Variants in PTPN9 observed in about 807,000 individuals in gnomAD.
The protein encoded by PTPN9 is protein tyrosine phosphatase non-receptor type 9, also known as tyrosine-protein phosphatase non-receptor type 9.
In PTPN9, 26 loss-of-function variants were observed where a neutral mutation model predicts 69.8. The ratio of observed to expected loss-of-function variants is 0.37; its 90% CI spans 0.27 to 0.52. PTPN9 has a LOEUF of 0.52. Among genes scored for constraint, PTPN9 ranks in the 20% least tolerant of loss-of-function variants. PTPN9 has a pLI of 0.91. For synonymous variants in PTPN9, 274 were observed against 272.5 expected, an observed-to-expected ratio of 1.01 and a Z score of -0.05; for missense variants, 549 against 740.3, an observed-to-expected ratio of 0.74 and a Z score of 3.00.
In PTPN9 at chr15:75,472,663, G is replaced by A. The variant is rs557616968; in HGVS notation, c.1208+1026C>T. Among the ~76,000 whole-genome samples the A allele has an allele frequency of 2.7e-5, 4 of 150,858 alleles. No homozygotes were observed. The East Asian group carries it at 5.9e-4, about 22-fold the overall frequency. ...AAAAATTAGCTGGGCATGGTGGCACGTTCCTATAATCTCAGCTACTCAGGA... is the reference window on the plus strand; with the variant it reads ...AAAAATTAGCTGGGCATGGTGGCACATTCCTATAATCTCAGCTACTCAGGA... On this transcript the variant is annotated intron_variant, in intron 10 of 12. Coordinates refer to ENST00000618819, the MANE Select transcript of PTPN9 (RefSeq NM_002833.4).
At chr15:75,473,973 A>G (rs1191462775) in intron 9 of PTPN9, among the ~76,000 whole-genome samples, 1 of 152,146 alleles carries the variant, frequency 6.6e-6, no homozygotes, top group Non-Finnish European at 1.5e-5. Context: ...ATGAATCTGC[A>G]TGTCAACGAG....
Position 75,469,975 on chromosome 15 carries a change from G to A in PTPN9, c.1384C>T (p.His462Tyr). ...TEERQKRQVT[H>Y]FQFLSWPDYG... ...TCTGGCCAGCTCAAGAACTGGAAGTGGGTCACCTGGCGTTTCTGCCGTTCC... is the reference window on the plus strand; with the variant it reads ...TCTGGCCAGCTCAAGAACTGGAAGTAGGTCACCTGGCGTTTCTGCCGTTCC... The change falls in exon 12 of 13, where the codon CAC (histidine) becomes TAC (tyrosine). Residue 462 changes from histidine to tyrosine, a missense_variant. By Grantham distance (83) the His-to-Tyr change is moderately conservative. Around this residue, in one of 3 missense-constraint regions of PTPN9, gnomAD observed 457 missense variants for 661.9 expected, o/e 0.69. Coordinates refer to ENST00000618819, the MANE Select transcript of PTPN9 (RefSeq NM_002833.4). 1 of 1,613,612 alleles carries A rather than the reference G, an allele frequency of 6.2e-7. No individual in the cohort carries two copies. The highest frequency in any genetic ancestry group is 8.5e-7 in the Non-Finnish European group (1 of 1,179,482).
At chr15:75,514,956 C>T (rs770015901) in intron 5 of PTPN9, among the ~76,000 whole-genome samples, 1 of 152,046 alleles carries the variant, frequency 6.6e-6, no homozygotes, top group Non-Finnish European at 1.5e-5. Flanking sequence ...CAAGGGGGTA[C>T]GACTGCTTTG....
In PTPN9 at chr15:75,524,425, CTAAA is replaced by C. The variant is rs1483412241; in HGVS notation, c.208-131_208-128del. 9.4e-6 allele frequency: 5 copies of C among 534,666 alleles called. No individual in the cohort carries two copies. In the African/African-American group the frequency reaches 9.6e-5, roughly 10 times the overall value. The allele number at this position is 534,666 out of a possible 1,614,324, so 33.1% of individuals were successfully genotyped here. On this transcript the variant is annotated intron_variant, in intron 2 of 12. Coordinates refer to ENST00000618819, the MANE Select transcript of PTPN9 (RefSeq NM_002833.4). ...AATGAATGAATTATAAATTTCATAA[CTAAA>C]TAAATTTTGTAACTAATTTCATAAC...
At chr15:75,552,358 G>C (rs926254919) in intron 1 of PTPN9, among the ~76,000 whole-genome samples, 3 of 152,122 alleles carry the variant, frequency 2.0e-5, no homozygotes, top group East Asian at 1.9e-4. Flanking sequence ...GGTGAGCCAA[G>C]ATCACACCAT....
chr15:75,565,174 C>T (rs997637529), intron 1 of PTPN9, among the ~76,000 whole-genome samples: 4 of 150,712 alleles, frequency 2.7e-5, no homozygotes, highest in Non-Finnish European at 4.4e-5. Context: ...AATAAAATCC[C>T]TCCACCTCTG....
rs1310891846 is a variant in PTPN9, at chr15:75,466,302, T to C, written c.*2467A>G. 1 of 152,210 alleles carries C rather than the reference T, an allele frequency of 6.6e-6. No homozygotes were observed. The highest frequency in any genetic ancestry group is 2.4e-5 in the African/African-American group (1 of 41,442). 9.4% of individuals were successfully genotyped at this position (152,210 alleles called of 1,614,324 possible). A position where few individuals can be genotyped will look rare whatever the true frequency, so the allele number is the denominator to read the frequency against. On this transcript the variant is annotated 3_prime_UTR_variant, in exon 13 of 13. Coordinates refer to ENST00000618819, the MANE Select transcript of PTPN9 (RefSeq NM_002833.4). ...TCCAGTAAATTGGCTGCTATGACTA[T>C]TATTAAGAACACCCCAATATTTCCC...
Position 75,522,453 on chromosome 15 carries a change from G to T in PTPN9, c.422+668C>A, listed in dbSNP as rs541915615. On this transcript the variant is annotated intron_variant, in intron 4 of 12. Transcript: ENST00000618819. ...CACCCAGGCTGGAATGCAGTGGCGT[G>T]ATCATGGCTCACTACAGCTTCACCA... is the stretch of plus-strand genomic sequence containing the variant. Among the ~76,000 whole-genome samples, 4 of 152,016 alleles carry T rather than the reference G, an allele frequency of 2.6e-5. No homozygotes were observed. In the East Asian group the frequency reaches 7.7e-4, roughly 29 times the overall value.
chr15:75,569,885 G>T (rs529726509), intron 1 of PTPN9, among the ~76,000 whole-genome samples: 1 of 151,602 alleles, frequency 6.6e-6, no homozygotes, highest in Non-Finnish European at 1.5e-5. Flanking sequence ...GCAGTGGCGC[G>T]ATCTCAGCTC....
intron 7 of PTPN9, among the ~76,000 whole-genome samples, chr15:75,497,492 CAT>C (rs1218412803): frequency 3.9e-5 from 6 of 152,212 alleles, no homozygotes; most frequent in African/African-American, 4.8e-5. Flanking sequence ...AGCAAGAACA[CAT>C]GTCTCTCTTA....
At position 75,505,778 on chromosome 15, in the gene PTPN9, G is replaced by C; in HGVS notation, c.865C>G (p.Gln289Glu). 1.2e-6 allele frequency: 2 copies of C among 1,613,988 alleles called. No individual in the cohort carries two copies. Among genetic ancestry groups the C allele is most frequent in the South Asian group, 1.1e-5 (1 of 91,072 alleles). ...GCATTAACATAGTCCACCAACTCTTGGATGGTCATAGCATGGGGACCTGGA... is the reference window on the plus strand; with the variant it reads ...GCATTAACATAGTCCACCAACTCTTCGATGGTCATAGCATGGGGACCTGGA... ...HVPGPHAMTI[Q>E]ELVDYVNARQ... Residue 289 changes from glutamine to glutamate, a missense_variant, in exon 7 of 13, where the codon CAA (glutamine) becomes GAA (glutamate). By Grantham distance (29) the Gln-to-Glu change is conservative (BLOSUM62 2). This residue lies in a region of PTPN9 where 457 missense variants were observed against 661.9 expected (regional missense o/e 0.69). Coordinates refer to ENST00000618819, the MANE Select transcript of PTPN9 (RefSeq NM_002833.4).
In PTPN9 at chr15:75,517,835, A is replaced by G. The variant is rs1595959096; in HGVS notation, c.423-471T>C. ...CTGTATAGCCATCTGATTCTCTCCT[A>G]AAGGACAAGAACTTGTTGTTCCACT... is the stretch of plus-strand genomic sequence containing the variant. On this transcript the variant is annotated intron_variant, in intron 4 of 12. Transcript: ENST00000618819. 2.0e-5 allele frequency among the ~76,000 whole-genome samples: 3 copies of G among 152,242 alleles called. No individual in the cohort carries two copies. The South Asian group carries it at 6.2e-4, about 32-fold the overall frequency.
intron 1 of PTPN9, among the ~76,000 whole-genome samples, chr15:75,575,260 ACCGCGCCCGGC>A (rs2075166790): frequency 6.8e-6 from 1 of 147,796 alleles, no homozygotes; most frequent in Admixed American, 6.8e-5. Flanking sequence ...GGCGTGAGCC[ACCGCGCCCGGC>A]CGAAAAGAAA....
chr15:75,485,558 G>C (rs1009895870), intron 8 of PTPN9, among the ~76,000 whole-genome samples: 11 of 148,916 alleles, frequency 7.4e-5, no homozygotes, highest in Non-Finnish European at 1.6e-4. Context: ...TTTTAGTAGA[G>C]ACGGGGTTTC....
Position 75,478,874 on chromosome 15 carries a change from C to T in PTPN9, c.1129+974G>A, listed in dbSNP as rs536610814. Among the ~76,000 whole-genome samples the T allele has an allele frequency of 1.5e-4, 23 of 152,362 alleles. No individual in the cohort carries two copies. In the South Asian group the frequency reaches 4.6e-3, roughly 30 times the overall value. On this transcript the variant is annotated intron_variant, in intron 9 of 12. Transcript: ENST00000618819. ...GCTCTGCAGTGGTCAAAGGGCCTTA[C>T]GCCCATCTGATGGTCTGTTGTCTTT... is the stretch of plus-strand genomic sequence containing the variant.
Position 75,468,064 on chromosome 15 carries a change from A to G in PTPN9, c.*705T>C, listed in dbSNP as rs1469589457. 2 of 152,608 alleles carry G rather than the reference A, an allele frequency of 1.3e-5. No homozygotes were observed. The highest frequency in any genetic ancestry group is 4.8e-5 in the African/African-American group (2 of 41,430). 9.5% of individuals were successfully genotyped at this position (152,608 alleles called of 1,614,324 possible). On this transcript the variant is annotated 3_prime_UTR_variant, in exon 13 of 13. Coordinates refer to ENST00000618819, the MANE Select transcript of PTPN9 (RefSeq NM_002833.4). ...CAAGAGGAGACATGATCACCAACCC[A>G]AGCTAGTCCAGGATAAATAGTAGGG...
chr15:75,553,255 G>C (rs975293095), intron 1 of PTPN9, among the ~76,000 whole-genome samples: 1 of 152,122 alleles, frequency 6.6e-6, no homozygotes, highest in African/African-American at 2.4e-5. Context: ...GAGTACATAA[G>C]AAAAGAATTA....
chr15:75,520,447 T>C (rs1208447476), intron 4 of PTPN9, among the ~76,000 whole-genome samples: 1 of 131,988 alleles, frequency 7.6e-6, no homozygotes, highest in Non-Finnish European at 1.6e-5. Flanking sequence ...AATAGATAGA[T>C]AGATAGATAG....
intron 7 of PTPN9, among the ~76,000 whole-genome samples, chr15:75,493,190 A>G (rs905550526): frequency 2.0e-5 from 3 of 152,192 alleles, no homozygotes; most frequent in South Asian, 2.1e-4. Context: ...AAAAAAACCC[A>G]TAATTCAAAC....
Sources: gnomAD v4.1 joint callset for allele counts (sites outside exome capture counted in the v4.1 genomes callset) on GRCh38, gnomAD v4.1.1 for gene constraint, gnomAD v4.1.1 regional missense constraint, MANE v1.5 for transcripts, NCBI Gene and HGNC (gene_info 2026-07-23, HGNC 2026-07-21) for gene names.